UNC79: variants seen among roughly 807,000 people sequenced by gnomAD.
The protein encoded by UNC79 is unc-79 subunit of NALCN channel complex.
UNC79 carries 37 observed loss-of-function variants against 283.1 expected under a neutral mutation model. The ratio of observed to expected loss-of-function variants is 0.13; its 90% CI spans 0.10 to 0.17. The LOEUF is 0.17. Ranked by LOEUF, UNC79 falls within the 10% of genes least tolerant of loss-of-function variation. UNC79 has a pLI of 1.00. For missense variants in UNC79, 2,272 were observed against 3,211.1 expected, an observed-to-expected ratio of 0.71 and a Z score of 7.07; for synonymous variants, 1,107 against 1,200.2, an observed-to-expected ratio of 0.92 and a Z score of 1.61.
At chr14:93,435,110 TCTC>T (rs2056034562) in intron 1 of UNC79, among the ~76,000 whole-genome samples, 1 of 152,198 alleles carries the variant, frequency 6.6e-6, no homozygotes, top group South Asian at 2.1e-4. Context: ...GAAAAGTACT[TCTC>T]CTTTCAATAG....
At chr14:93,679,693 ACT>A (rs2073675094) in intron 41 of UNC79, among the ~76,000 whole-genome samples, 1 of 152,172 alleles carries the variant, frequency 6.6e-6, no homozygotes, top group South Asian at 2.1e-4. Flanking sequence ...CAATGTGATC[ACT>A]CTGAGATTAG....
intron 31 of UNC79, chr14:93,634,613 C>A (rs1458483269): frequency 1.1e-5 from 17 of 1,614,046 alleles, no homozygotes; most frequent in Non-Finnish European, 1.4e-5. Context: ...TAGCGCCCCC[C>A]ATAACATCAG....
At chr14:93,466,072 A>G (rs1228433681) in intron 1 of UNC79, among the ~76,000 whole-genome samples, 1 of 152,214 alleles carries the variant, frequency 6.6e-6, no homozygotes, top group African/African-American at 2.4e-5. Flanking sequence ...TCTCAGGAAA[A>G]AAAGTTATTT....
chr14:93,391,605 C>A (rs968133021), intron 1 of UNC79, among the ~76,000 whole-genome samples: 1 of 152,042 alleles, frequency 6.6e-6, no homozygotes, highest in South Asian at 2.1e-4. Context: ...TCTATAATTT[C>A]TTTTTTTGAG....
chr14:93,335,726 A>G (rs1260614940), intron 1 of UNC79, among the ~76,000 whole-genome samples: 1 of 152,230 alleles, frequency 6.6e-6, no homozygotes, highest in African/African-American at 2.4e-5. Context: ...GGAAAGGAGG[A>G]AGACCATAAA....
At chr14:93,669,270 C>T (rs1360576926) in intron 40 of UNC79, among the ~76,000 whole-genome samples, 1 of 152,094 alleles carries the variant, frequency 6.6e-6, no homozygotes, top group Non-Finnish European at 1.5e-5. Context: ...AAAACATTTT[C>T]TGAAAACTTC....
chr14:93,344,218 C>T (rs1442177361), intron 1 of UNC79, among the ~76,000 whole-genome samples: 3 of 152,210 alleles, frequency 2.0e-5, no homozygotes, highest in African/African-American at 7.2e-5. Context: ...GGCTCTTTCT[C>T]ACTTTACTTC....
At chr14:93,403,139 G>T (rs534814714) in intron 1 of UNC79, among the ~76,000 whole-genome samples, 1 of 152,124 alleles carries the variant, frequency 6.6e-6, no homozygotes, top group Non-Finnish European at 1.5e-5. Context: ...CATGTGAGAG[G>T]GGGGTAGAGG....
At chr14:93,603,950 A>C (rs2065701677) in intron 26 of UNC79, among the ~76,000 whole-genome samples, 1 of 152,232 alleles carries the variant, frequency 6.6e-6, no homozygotes, top group Admixed American at 6.5e-5. Context: ...TCTTCACCAG[A>C]TAATTTATAA....
At chr14:93,465,070 G>A (rs1478158966) in intron 1 of UNC79, among the ~76,000 whole-genome samples, 1 of 151,996 alleles carries the variant, frequency 6.6e-6, no homozygotes, top group Non-Finnish European at 1.5e-5. Context: ...GGTCTTTCAT[G>A]ATTACTCACC....
intron 1 of UNC79, among the ~76,000 whole-genome samples, chr14:93,449,970 G>A (rs1051539840): frequency 6.6e-6 from 1 of 152,142 alleles, no homozygotes; most frequent in Non-Finnish European, 1.5e-5. Context: ...ATAATTGTAC[G>A]CCCTCTTTCA....
intron 4 of UNC79, among the ~76,000 whole-genome samples, chr14:93,478,257 T>C (rs777663629): frequency 6.6e-6 from 1 of 152,170 alleles, no homozygotes; most frequent in African/African-American, 2.4e-5. Flanking sequence ...ACTCGAAATT[T>C]ATGAAAGCAC....
intron 1 of UNC79, among the ~76,000 whole-genome samples, chr14:93,393,976 G>T (rs1434189781): frequency 6.6e-5 from 10 of 150,832 alleles, no homozygotes; most frequent in Admixed American, 5.9e-4. Flanking sequence ...TTCCAATTTT[G>T]TCAGGTTTTT....
intron 5 of UNC79, 65 bp from the exon 6 acceptor site, chr14:93,496,346 T>C: frequency 9.3e-7 from 1 of 1,079,418 alleles, no homozygotes; most frequent in East Asian, 2.8e-5. Flanking sequence ...CTTATATATG[T>C]ATATCAAAGG....
chr14:93,423,062 CAAAAAAAA>C (rs71129634), intron 1 of UNC79, among the ~76,000 whole-genome samples: 1 of 77,292 alleles, frequency 1.3e-5, no homozygotes, highest in East Asian at 5.2e-4. Context: ...GACTCTGTCT[CAAAAAAAA>C]AAAAAAAAAA....
chr14:93,641,241 C>T (rs754431498), exon 33 of UNC79: 23 of 1,611,968 alleles, frequency 1.4e-5, no homozygotes, highest in Middle Eastern at 1.6e-4. Context: ...ACGGTGATGA[C>T]GGACAAGTAA....
At chr14:93,692,745 C>A (rs1050890939) in intron 46 of UNC79, among the ~76,000 whole-genome samples, 1 of 152,150 alleles carries the variant, frequency 6.6e-6, no homozygotes, top group African/African-American at 2.4e-5. Context: ...GTATGGCTAG[C>A]CTAAGCCCAC....
intron 27 of UNC79, 135 bp downstream of exon 28, chr14:93,613,218 G>C: frequency 8.6e-7 from 1 of 1,158,596 alleles, no homozygotes; most frequent in Non-Finnish European, 1.2e-6. Flanking sequence ...GGAGTATGTG[G>C]AGGGGAATGT....
rs1396615739 is a variant in UNC79 at position 93,688,229 on chromosome 14, C to A, written c.6910-436C>A. Among the ~76,000 whole-genome samples, 3 of 152,132 alleles carry A rather than the reference C, an allele frequency of 2.0e-5. No individual in the cohort carries two copies. The highest frequency in any genetic ancestry group is 4.4e-5 in the Non-Finnish European group (3 of 68,026). The stretch of plus-strand genomic sequence containing the variant: ...TTTAGTGAACATTTCACACAAACTA[C>A]AGTAAAAATGTGTCTCTCACAATTG... On this transcript the variant is annotated intron_variant, in intron 43 of 48. Transcript: ENST00000555664. This position sits in a 1 kb window ranked among gnomAD's most constrained non-coding sequence, Gnocchi z 4.0.
Sources: allele counts gnomAD v4.1 joint callset (sites outside exome capture counted in the v4.1 genomes callset), GRCh38; gene constraint gnomAD v4.1.1; non-coding constraint Gnocchi (gnomAD v3.1); transcripts MANE v1.5; gene names NCBI Gene and HGNC (gene_info 2026-07-23, HGNC 2026-07-21).